SLC9C1: variants seen among roughly 807,000 people sequenced by gnomAD.
SLC9C1 encodes solute carrier family 9 member C1, also known as sodium/hydrogen exchanger 10.
SLC9C1 carries 97 observed loss-of-function variants against 140.9 expected under a neutral mutation model. That is an observed-to-expected ratio of 0.69 (90% CI 0.58 to 0.82). SLC9C1 has a LOEUF of 0.82. Among genes scored for constraint, SLC9C1 ranks in the 40% least tolerant of loss-of-function variants. SLC9C1 has a pLI of 0.00. For missense variants in SLC9C1, 1,340 were observed against 1,389.3 expected (o/e 0.96, Z 0.56); for synonymous variants, 440 against 442.6 (o/e 0.99, Z 0.07).
intron 9 of SLC9C1, 103 bp from the exon 10 acceptor site, chr3:112,263,201 C>T: frequency 1.0e-6 from 1 of 967,016 alleles, no homozygotes; most frequent in Non-Finnish European, 1.5e-6. Context: ...TCCTAACTCT[C>T]AAACAAATGA....
intron 15 of SLC9C1, among the ~76,000 whole-genome samples, chr3:112,210,505 G>A (rs2078173005): frequency 6.6e-6 from 1 of 152,134 alleles, no homozygotes; most frequent in Non-Finnish European, 1.5e-5. Flanking sequence ...CACAGGGACA[G>A]AAAACAGACT....
At chr3:112,151,451 G>A in intron 28 of SLC9C1, 1 of 519,164 alleles carries the variant, frequency 1.9e-6, no homozygotes, top group Non-Finnish European at 3.8e-6. Context: ...TATCTTTTAT[G>A]GTAGTTTAAT....
intron 27 of SLC9C1, among the ~76,000 whole-genome samples, chr3:112,152,426 G>A (rs891623403): frequency 3.9e-5 from 6 of 152,134 alleles, no homozygotes; most frequent in African/African-American, 1.4e-4. Context: ...GCCATGAGGC[G>A]ATTTTCTCCT....
intron 2 of SLC9C1, among the ~76,000 whole-genome samples, chr3:112,282,391 T>C (rs1355564034): frequency 6.6e-6 from 1 of 152,232 alleles, no homozygotes; most frequent in Non-Finnish European, 1.5e-5. Context: ...CTTTCTGTAG[T>C]GCCAAAGAAT....
chr3:112,208,037 A>G, intron 16 of SLC9C1, 141 bp downstream of exon 16: 3 of 590,976 alleles, frequency 5.1e-6, no homozygotes, highest in Non-Finnish European at 8.4e-6. Context: ...AATCACCTTC[A>G]AAAATTAAAG....
At chr3:112,181,410 A>T (rs1382581458) in intron 21 of SLC9C1, among the ~76,000 whole-genome samples, 1 of 152,232 alleles carries the variant, frequency 6.6e-6, no homozygotes, top group Non-Finnish European at 1.5e-5. Flanking sequence ...TCAGGTAGAA[A>T]AATATAATTG....
At chr3:112,187,412 A>G (rs1471200566) in intron 20 of SLC9C1, among the ~76,000 whole-genome samples, 1 of 152,178 alleles carries the variant, frequency 6.6e-6, no homozygotes. Context: ...TACAGACTGG[A>G]CCATTAAACT....
At chr3:112,231,508 G>A (rs1345379572) in intron 12 of SLC9C1, 22 bp from the exon 13 acceptor site, 5 of 1,575,144 alleles carry the variant, frequency 3.2e-6, no homozygotes, top group Admixed American at 3.6e-5. Flanking sequence ...ATAAATAAAA[G>A]AACAAAAAAT....
chr3:112,236,421 C>G (rs2078988436), intron 12 of SLC9C1, among the ~76,000 whole-genome samples: 1 of 152,168 alleles, frequency 6.6e-6, no homozygotes, highest in African/African-American at 2.4e-5. Flanking sequence ...AAAAAACCAG[C>G]TCCTGGATTC....
intron 5 of SLC9C1, among the ~76,000 whole-genome samples, chr3:112,276,995 A>G (rs541497798): frequency 6.6e-6 from 1 of 152,232 alleles, no homozygotes; most frequent in African/African-American, 2.4e-5. Context: ...AATTGAAAAG[A>G]GTATGCGTGT....
chr3:112,225,100 C>T (rs1185525548), intron 13 of SLC9C1, among the ~76,000 whole-genome samples: 2 of 152,072 alleles, frequency 1.3e-5, no homozygotes, highest in African/African-American at 4.8e-5. Context: ...GTCAAACTGT[C>T]AAAAGTCAAA....
intron 26 of SLC9C1, among the ~76,000 whole-genome samples, chr3:112,161,756 T>TAC (rs1560014735): frequency 6.6e-6 from 1 of 152,028 alleles, no homozygotes; most frequent in South Asian, 2.1e-4. Flanking sequence ...CGATGCGGGC[T>TAC]CTTTTTTGGT....
chr3:112,253,260 CGCCAAG>C (rs2079514118), intron 10 of SLC9C1, among the ~76,000 whole-genome samples: 1 of 152,124 alleles, frequency 6.6e-6, no homozygotes, highest in African/African-American at 2.4e-5. Flanking sequence ...CCACTGTTGC[CGCCAAG>C]TTGGGGAAGG....
rs58698902 is a variant in SLC9C1, at chr3:112,208,047, G to T, written c.1986+131C>A. 3 of 642,470 alleles carry T rather than the reference G, an allele frequency of 4.7e-6. No homozygotes were observed. In the South Asian group the frequency reaches 8.9e-5, roughly 19 times the overall value. 39.8% of individuals were successfully genotyped at this position (642,470 alleles called of 1,614,324 possible). ...ATAAAAATCACCTTCAAAAATTAAA[G>T]TTTGGAGACGTGAGGAAGAAATTCA... On this transcript the variant is annotated intron_variant, in intron 16 of 28. Transcript: ENST00000305815.
chr3:112,231,536 T>A lies in SLC9C1; in HGVS notation c.1447-50A>T, dbSNP rs1433093540. On this transcript the variant is annotated intron_variant, in intron 12 of 28. Transcript: ENST00000305815. ...CAAAAAATACATGAATATTAACATA[T>A]TGTTTAGCAAAATCCACAAGCAATT... is the stretch of plus-strand genomic sequence containing the variant. The A allele has an allele frequency of 4.8e-6, 7 of 1,462,200 alleles. No homozygotes were observed. In the Admixed American group the frequency reaches 6.6e-5, roughly 14 times the overall value. 90.6% of individuals were successfully genotyped at this position (1,462,200 alleles called of 1,614,324 possible). A position where few individuals can be genotyped will look rare whatever the true frequency, so the allele number is the denominator to read the frequency against.
At chr3:112,200,838 G>C in intron 18 of SLC9C1, 76 bp from the exon 19 acceptor site, 2 of 1,283,218 alleles carry the variant, frequency 1.6e-6, no homozygotes, top group Non-Finnish European at 2.2e-6. Flanking sequence ...GCAACTGATG[G>C]ATTTTTAACC....
At chr3:112,172,682 A>C (rs1047494625) in intron 23 of SLC9C1, among the ~76,000 whole-genome samples, 2 of 152,122 alleles carry the variant, frequency 1.3e-5, no homozygotes, top group African/African-American at 2.4e-5. Context: ...TAAATTTATA[A>C]TAAATGCCCC....
Position 112,217,441 on chromosome 3 carries a change from C to T in SLC9C1, c.1790+1G>A. The T allele has an allele frequency of 1.9e-6, 3 of 1,581,772 alleles. No individual in the cohort carries two copies. The highest frequency in any genetic ancestry group is 2.6e-6 in the Non-Finnish European group (3 of 1,170,290). On this transcript the variant is annotated splice_donor_variant, in intron 15 of 28. Transcript: ENST00000305815. LOFTEE classifies it high-confidence loss of function. ...TTCTTATAAGGTTCAAAAGCACTTACTTTGATGGGCCCTCTTTTTCCTTTC... is the reference window on the plus strand; with the variant it reads ...TTCTTATAAGGTTCAAAAGCACTTATTTTGATGGGCCCTCTTTTTCCTTTC...
chr3:112,278,465 G>A (rs1036691589), intron 4 of SLC9C1, among the ~76,000 whole-genome samples: 4 of 151,994 alleles, frequency 2.6e-5, no homozygotes, highest in African/African-American at 4.8e-5. Flanking sequence ...TAGCATTTCC[G>A]AGTTAAAATT....
Sources: gnomAD v4.1 joint callset for allele counts (sites outside exome capture counted in the v4.1 genomes callset) on GRCh38, gnomAD v4.1.1 for gene constraint, MANE v1.5 for transcripts, NCBI Gene and HGNC (gene_info 2026-07-23, HGNC 2026-07-21) for gene names.